HDAC9: variants seen among roughly 807,000 people sequenced by gnomAD.
HDAC9 encodes the protein histone deacetylase 9.
HDAC9 carries 41 observed loss-of-function variants against 139.4 expected under a neutral mutation model. The observed-to-expected ratio is 0.29, with a 90% CI of 0.23 to 0.38. The LOEUF (loss-of-function observed/expected upper bound fraction) is 0.38. Among genes scored for constraint, HDAC9 ranks in the 10% least tolerant of loss-of-function variants. The probability of loss-of-function intolerance (pLI) is 1.00; values close to 1 mark genes in which losing one functional copy is unlikely to be tolerated. For synonymous variants in HDAC9, 517 were observed against 476.2 expected, an observed-to-expected ratio of 1.09 and a Z score of -1.12; for missense variants, 1,147 against 1,297.0, an observed-to-expected ratio of 0.88 and a Z score of 1.78.
chr7:18,852,340 A>G (rs111686809), intron 21 of HDAC9, among the ~76,000 whole-genome samples: 10 of 152,346 alleles, frequency 6.6e-5, no homozygotes, highest in African/African-American at 1.4e-4. Context: ...TGAGTAGCCC[A>G]GTGTCCTCCT....
intron 2 of HDAC9, among the ~76,000 whole-genome samples, chr7:18,250,171 A>G (rs909609695): frequency 6.6e-6 from 1 of 152,224 alleles, no homozygotes; most frequent in Non-Finnish European, 1.5e-5. Flanking sequence ...GCATTGTCAT[A>G]TGATTCAAGT....
chr7:18,731,156 T>G (rs950359131), intron 13 of HDAC9, among the ~76,000 whole-genome samples: 2 of 152,226 alleles, frequency 1.3e-5, no homozygotes, highest in African/African-American at 2.4e-5. Context: ...TGTGTATTTC[T>G]GGAATTTTCC....
chr7:18,869,130 C>A (rs1798711604), intron 21 of HDAC9, among the ~76,000 whole-genome samples: 1 of 148,126 alleles, frequency 6.8e-6, no homozygotes, highest in African/African-American at 2.6e-5. Context: ...AAGGGAAATT[C>A]CTGGACTCAC....
chr7:18,840,892 C>T (rs987927191), intron 21 of HDAC9, among the ~76,000 whole-genome samples: 6 of 152,150 alleles, frequency 3.9e-5, no homozygotes, highest in East Asian at 3.9e-4. Context: ...TCATGGCTTC[C>T]GGGGATTCCT....
At chr7:18,475,362 A>G (rs1022940248) in intron 1 of HDAC9, among the ~76,000 whole-genome samples, 15 of 152,240 alleles carry the variant, frequency 9.9e-5, no homozygotes, top group Non-Finnish European at 2.1e-4. Context: ...CAGAGATTTA[A>G]GAGTTAATTT....
intron 1 of HDAC9, among the ~76,000 whole-genome samples, chr7:18,354,068 G>A (rs1783066879): frequency 6.6e-6 from 1 of 151,544 alleles, no homozygotes; most frequent in African/African-American, 2.4e-5. Context: ...ATGTTTTAAG[G>A]TGAAAAAAAA....
intron 21 of HDAC9, among the ~76,000 whole-genome samples, chr7:18,840,203 A>G (rs1796498491): frequency 6.6e-6 from 1 of 152,104 alleles, no homozygotes; most frequent in East Asian, 1.9e-4. Context: ...AGGACTAGCT[A>G]AAGAAAGGTC....
At chr7:18,671,053 T>A (rs1445275653) in intron 12 of HDAC9, among the ~76,000 whole-genome samples, 2 of 152,016 alleles carry the variant, frequency 1.3e-5, no homozygotes, top group Non-Finnish European at 2.9e-5. Context: ...AGAAAGGATT[T>A]CAGCAGGTTC....
At chr7:18,525,815 G>C (rs1049193988) in intron 2 of HDAC9, among the ~76,000 whole-genome samples, 1 of 152,034 alleles carries the variant, frequency 6.6e-6, no homozygotes, top group African/African-American at 2.4e-5. Context: ...TTTGGCCTTG[G>C]TTCTACCTGA....
chr7:18,192,144 A>G (rs1035564933), intron 2 of HDAC9, among the ~76,000 whole-genome samples: 1 of 152,170 alleles, frequency 6.6e-6, no homozygotes, highest in African/African-American at 2.4e-5. Context: ...TCACAGTAGA[A>G]GGTGGTGGTT....
intron 6 of HDAC9, among the ~76,000 whole-genome samples, chr7:18,614,083 C>T (rs997380669): frequency 2.0e-5 from 3 of 152,026 alleles, no homozygotes; most frequent in Admixed American, 6.6e-5. Context: ...AACCAGTAGT[C>T]GTTTCTGATA....
At chr7:18,647,672 A>T (rs779785377) in intron 9 of HDAC9, 113 bp from the exon 10 acceptor site, 1 of 827,354 alleles carries the variant, frequency 1.2e-6, no homozygotes, top group African/African-American at 1.7e-5. Context: ...ATTGGGTAAG[A>T]TGGGGCTTTT....
At chr7:18,094,679 C>T (rs117626076) in intron 1 of HDAC9, among the ~76,000 whole-genome samples, 1,897 of 152,136 alleles carry the variant, frequency 0.012, 16 homozygotes, top group Non-Finnish European at 0.017. Context: ...TGGTCTTGTA[C>T]TCCTGGCCTC....
chr7:18,694,195 G>C (rs1782869480), intron 12 of HDAC9, among the ~76,000 whole-genome samples: 2 of 152,032 alleles, frequency 1.3e-5, no homozygotes, highest in Non-Finnish European at 2.9e-5. Context: ...GAATAACTGA[G>C]GCTGAAAAAA....
At chr7:18,229,447 C>A (rs1248132170) in intron 2 of HDAC9, among the ~76,000 whole-genome samples, 1 of 152,188 alleles carries the variant, frequency 6.6e-6, no homozygotes, top group Non-Finnish European at 1.5e-5. Flanking sequence ...CACCTTCGAA[C>A]GTATTCCAGC....
chr7:18,342,983 C>T (rs1223536064), intron 1 of HDAC9, among the ~76,000 whole-genome samples: 1 of 151,756 alleles, frequency 6.6e-6, no homozygotes, highest in African/African-American at 2.4e-5. Context: ...AGGACACTTA[C>T]ATGGTGCTCA....
intron 6 of HDAC9, among the ~76,000 whole-genome samples, chr7:18,619,288 C>T (rs1038952854): frequency 6.6e-6 from 1 of 152,074 alleles, no homozygotes; most frequent in African/African-American, 2.4e-5. Context: ...AGTTGAGGTT[C>T]ATCTAGTTCT....
At chr7:18,665,156 TG>T (rs1451324519) in intron 11 of HDAC9, among the ~76,000 whole-genome samples, 2 of 152,152 alleles carry the variant, frequency 1.3e-5, no homozygotes, top group Non-Finnish European at 2.9e-5. Context: ...AGCATGAATT[TG>T]ACAAAGAAAA....
chr7:18,999,366 C>T lies in HDAC9; in HGVS notation c.*3304C>T, dbSNP rs1445618728. On this transcript the variant is annotated 3_prime_UTR_variant, in exon 26 of 26. Coordinates refer to ENST00000686413, the MANE Select transcript of HDAC9 (RefSeq NM_178425.4). ...GCAATTATAAAGCCTCGTGGATTTA[C>T]TGGGTTTCTTTACAGACTCCATATG... The T allele has an allele frequency of 6.6e-6, 1 of 152,142 alleles. No individual in the cohort carries two copies. The highest frequency in any genetic ancestry group is 1.5e-5 in the Non-Finnish European group (1 of 68,030). 9.4% of individuals were successfully genotyped at this position (152,142 alleles called of 1,614,324 possible). A position where few individuals can be genotyped will look rare whatever the true frequency, so the allele number is the denominator to read the frequency against.
Sources: gnomAD v4.1 joint callset for allele counts (sites outside exome capture counted in the v4.1 genomes callset) on GRCh38, gnomAD v4.1.1 for gene constraint, MANE v1.5 for transcripts, NCBI Gene and HGNC (gene_info 2026-07-23, HGNC 2026-07-21) for gene names.